The following SUSD1 variants were observed in gnomAD, a reference collection of about 807,000 sequenced individuals.
SUSD1 encodes sushi domain-containing protein 1.
A neutral mutation model predicts 86.9 loss-of-function variants in SUSD1; 65 were observed. The ratio of observed to expected loss-of-function variants is 0.75; its 90% CI spans 0.61 to 0.92. The LOEUF (loss-of-function observed/expected upper bound fraction) is 0.92, where lower values mean the gene tolerates loss of function less well. Among genes scored for constraint, SUSD1 ranks in the 40% least tolerant of loss-of-function variants. SUSD1 has a pLI of 0.00. For synonymous variants in SUSD1, 346 were observed against 350.0 expected (o/e 0.99, Z 0.13); for missense variants, 850 against 929.7 (o/e 0.91, Z 1.11).
chr9:112,152,780 G>C (rs1397860258), intron 2 of SUSD1, among the ~76,000 whole-genome samples: 1 of 96,500 alleles, frequency 1.0e-5, no homozygotes, highest in Non-Finnish European at 2.0e-5. Flanking sequence ...TTGTAAACAG[G>C]GTCTTGCATC....
intron 10 of SUSD1, among the ~76,000 whole-genome samples, chr9:112,086,347 T>C (rs967927086): frequency 2.1e-5 from 3 of 140,238 alleles, no homozygotes; most frequent in Non-Finnish European, 4.7e-5. Context: ...GAAAAATAAA[T>C]ATGAAATTCC....
intron 16 of SUSD1, 89 bp downstream of exon 16, chr9:112,041,778 G>C: frequency 1.5e-6 from 2 of 1,313,074 alleles, no homozygotes; most frequent in Non-Finnish European, 2.1e-6. Flanking sequence ...CACTCCCTTT[G>C]ACTCCCCTCA....
intron 13 of SUSD1, among the ~76,000 whole-genome samples, chr9:112,060,191 T>C (rs888227356): frequency 1.3e-5 from 2 of 152,130 alleles, no homozygotes; most frequent in Non-Finnish European, 2.9e-5. Context: ...ACAGTGGGTG[T>C]TGGATATGGA....
At chr9:112,086,891 C>T (rs910044698) in intron 10 of SUSD1, among the ~76,000 whole-genome samples, 1 of 151,938 alleles carries the variant, frequency 6.6e-6, no homozygotes, top group African/African-American at 2.4e-5. Flanking sequence ...CAGAAGAGGG[C>T]ACTCTTAACC....
intron 14 of SUSD1, among the ~76,000 whole-genome samples, chr9:112,056,505 G>T (rs1828455788): frequency 6.6e-6 from 1 of 152,140 alleles, no homozygotes; most frequent in Non-Finnish European, 1.5e-5. Context: ...AATCACTACT[G>T]ATTTTATTGT....
At chr9:112,173,187 A>T (rs1589765504) in intron 1 of SUSD1, among the ~76,000 whole-genome samples, 1 of 152,260 alleles carries the variant, frequency 6.6e-6, no homozygotes, top group African/African-American at 2.4e-5. Context: ...AGGAATCTTA[A>T]CCAGGGCACC....
chr9:112,099,015 T>TTCTCTCTCTCTCTC (rs58040511), intron 9 of SUSD1, among the ~76,000 whole-genome samples: 6 of 145,992 alleles, frequency 4.1e-5, no homozygotes, highest in East Asian at 4.1e-4. Context: ...GAATACTTCG[T>TTCTCTCTCTCTCTC]TCTCTCTCTC....
intron 1 of SUSD1, among the ~76,000 whole-genome samples, chr9:112,170,098 A>G (rs1447855449): frequency 1.3e-5 from 2 of 152,246 alleles, no homozygotes; most frequent in Non-Finnish European, 2.9e-5. Flanking sequence ...GGATTTGACC[A>G]GAAGACCAAG....
chr9:112,133,526 G>A (rs1160560998), intron 5 of SUSD1, among the ~76,000 whole-genome samples: 1 of 152,216 alleles, frequency 6.6e-6, no homozygotes, highest in East Asian at 1.9e-4. Context: ...GCAGAAGAAT[G>A]AAACTGGACC....
intron 12 of SUSD1, among the ~76,000 whole-genome samples, chr9:112,074,405 C>T (rs753517798): frequency 6.6e-5 from 10 of 152,108 alleles, no homozygotes; most frequent in Non-Finnish European, 1.5e-4. Context: ...TCAGAAACAC[C>T]GTGAGGCCAC....
chr9:112,066,052 C>T (rs10817260), intron 12 of SUSD1, among the ~76,000 whole-genome samples: 49,898 of 152,064 alleles, frequency 0.33, 10,437 homozygotes, highest in African/African-American at 0.58. Flanking sequence ...TCAGGCAGGC[C>T]GAGTCACACC....
At chr9:112,145,931 C>T (rs974962064) in intron 3 of SUSD1, 2 of 152,214 alleles carry the variant, frequency 1.3e-5, no homozygotes, top group Non-Finnish European at 2.9e-5. Context: ...ACACTAGAAC[C>T]CCAGCAATTC....
intron 3 of SUSD1, 136 bp downstream of exon 3, chr9:112,149,108 A>G: frequency 8.0e-7 from 1 of 1,242,996 alleles, no homozygotes; most frequent in Non-Finnish European, 1.1e-6. Flanking sequence ...CAAAATAAGA[A>G]TATTATCCTA....
intron 2 of SUSD1, among the ~76,000 whole-genome samples, chr9:112,151,847 C>T (rs1833060649): frequency 6.6e-6 from 1 of 151,278 alleles, no homozygotes; most frequent in African/African-American, 2.4e-5. Context: ...AGACCAGCCT[C>T]AACATGGAGA....
At chr9:112,154,738 G>T (rs1833218613) in intron 2 of SUSD1, among the ~76,000 whole-genome samples, 1 of 152,134 alleles carries the variant, frequency 6.6e-6, no homozygotes, top group Non-Finnish European at 1.5e-5. Context: ...CACTGGAAGG[G>T]ACATTTCGGT....
intron 1 of SUSD1, among the ~76,000 whole-genome samples, chr9:112,159,665 T>C (rs1241689030): frequency 6.6e-6 from 1 of 152,174 alleles, no homozygotes; most frequent in Non-Finnish European, 1.5e-5. Flanking sequence ...AAATAATTCT[T>C]AGGACAAAGG....
chr9:112,150,374 T>C (rs373729890), intron 2 of SUSD1, among the ~76,000 whole-genome samples: 4 of 152,264 alleles, frequency 2.6e-5, no homozygotes, highest in South Asian at 2.1e-4. Context: ...CATCAACTTA[T>C]GAATTTGTAG....
intron 11 of SUSD1, among the ~76,000 whole-genome samples, chr9:112,078,941 G>A (rs1829648089): frequency 6.7e-6 from 1 of 150,172 alleles, no homozygotes; most frequent in Admixed American, 6.7e-5. Context: ...AGCCTCCCAA[G>A]TAACTGGGAC....
intron 1 of SUSD1, among the ~76,000 whole-genome samples, chr9:112,172,667 G>T (rs148549213): frequency 8.6e-4 from 131 of 152,264 alleles, no homozygotes; most frequent in African/African-American, 2.9e-3. Flanking sequence ...AAGCCTTAGT[G>T]TCATCTTTCC....
Sources: allele counts gnomAD v4.1 joint callset (sites outside exome capture counted in the v4.1 genomes callset), GRCh38; gene constraint gnomAD v4.1.1; transcripts MANE v1.5; gene names NCBI Gene and HGNC (gene_info 2026-07-23, HGNC 2026-07-21).